Variants in CDH13 observed in about 807,000 individuals in gnomAD.
CDH13 encodes cadherin 13.
In CDH13, 24 loss-of-function variants were observed where a neutral mutation model predicts 63.8. That is an observed-to-expected ratio of 0.38 (90% CI 0.27 to 0.53). The LOEUF (loss-of-function observed/expected upper bound fraction) is 0.53, where lower values mean the gene tolerates loss of function less well. Among genes scored for constraint, CDH13 ranks in the 20% least tolerant of loss-of-function variants. CDH13 has a pLI of 0.85. For missense variants in CDH13, 1,049 were observed against 903.1 expected (o/e 1.16, Z -2.07); for synonymous variants, 503 against 355.3 (o/e 1.42, Z -4.67).
In CDH13 at chr16:83,250,643, C is replaced by T. The variant is rs116807488; in HGVS notation, c.636+33146C>T. 9.8e-3 allele frequency among the ~76,000 whole-genome samples: 1,490 copies of T among 152,086 alleles called. 19 individuals carry two copies. Among genetic ancestry groups the T allele is most frequent in the African/African-American group, 0.034 (1,413 of 41,484 alleles). Reference sequence around the variant, plus strand: ...AGTAATCAAGAAATAGAGAGTTGGTCGTGGTGGTAGAAGTGAAATAAGGGA... The same window carrying T: ...AGTAATCAAGAAATAGAGAGTTGGTTGTGGTGGTAGAAGTGAAATAAGGGA... On this transcript the variant is annotated intron_variant, in intron 5 of 13. Coordinates refer to ENST00000567109, the MANE Select transcript of CDH13 (RefSeq NM_001257.5).
chr16:83,178,855 A>G (rs769970880), intron 4 of CDH13, among the ~76,000 whole-genome samples: 5 of 152,104 alleles, frequency 3.3e-5, no homozygotes, highest in Non-Finnish European at 7.3e-5. Flanking sequence ...CTGGCCTTGA[A>G]TCCTCCCAGT....
chr16:82,937,781 G>A (rs1384569755), intron 2 of CDH13, among the ~76,000 whole-genome samples: 1 of 152,056 alleles, frequency 6.6e-6, no homozygotes, highest in Non-Finnish European at 1.5e-5. Flanking sequence ...TTATAGCAGA[G>A]CTTATATTCT....
chr16:82,784,986 C>T (rs113857581), intron 1 of CDH13, among the ~76,000 whole-genome samples: 6,665 of 152,222 alleles, frequency 0.044, 213 homozygotes, highest in Non-Finnish European at 0.069. Context: ...TTCCTGGACT[C>T]AGACAGTTAG....
chr16:83,448,096 T>C (rs2072766201), intron 6 of CDH13, among the ~76,000 whole-genome samples: 3 of 152,198 alleles, frequency 2.0e-5, no homozygotes, highest in South Asian at 4.1e-4. Flanking sequence ...CCCCATCTTT[T>C]ATTTTATTAT....
chr16:83,168,369 G>GTA (rs1485493103), intron 4 of CDH13, among the ~76,000 whole-genome samples: 4 of 151,718 alleles, frequency 2.6e-5, no homozygotes, highest in Non-Finnish European at 5.9e-5. Context: ...GTATGTATGT[G>GTA]TATATATATA....
chr16:82,712,200 A>G (rs1184891107), intron 1 of CDH13, among the ~76,000 whole-genome samples: 1 of 152,226 alleles, frequency 6.6e-6, no homozygotes, highest in Non-Finnish European at 1.5e-5. Flanking sequence ...CTTGATGAAG[A>G]TAGTAACCCT....
chr16:83,153,352 G>C (rs1181048976), intron 4 of CDH13, among the ~76,000 whole-genome samples: 1 of 152,102 alleles, frequency 6.6e-6, no homozygotes, highest in Non-Finnish European at 1.5e-5. Context: ...ATCAAATGCA[G>C]AGTCTGCACA....
chr16:83,600,265 G>A (rs900174848), intron 7 of CDH13, among the ~76,000 whole-genome samples: 1 of 152,146 alleles, frequency 6.6e-6, no homozygotes, highest in African/African-American at 2.4e-5. Flanking sequence ...TGTGACCTTC[G>A]ATCCTGGCGG....
intron 2 of CDH13, among the ~76,000 whole-genome samples, chr16:82,963,382 A>C (rs904776164): frequency 2.0e-5 from 3 of 152,176 alleles, no homozygotes; most frequent in African/African-American, 7.2e-5. Context: ...TCTGTCTCAA[A>C]GAAAAGAAAA....
At chr16:83,574,901 C>G (rs1021677079) in intron 7 of CDH13, among the ~76,000 whole-genome samples, 1 of 151,750 alleles carries the variant, frequency 6.6e-6, no homozygotes. Flanking sequence ...TGTGAAATAC[C>G]CAAGAGAAAT....
At chr16:82,982,669 T>G (rs1390541648) in intron 2 of CDH13, among the ~76,000 whole-genome samples, 1 of 152,122 alleles carries the variant, frequency 6.6e-6, no homozygotes, top group East Asian at 1.9e-4. Flanking sequence ...AAAACCACCA[T>G]TAGTTTTGCA....
chr16:82,642,902 C>T (rs1909594520), intron 1 of CDH13, among the ~76,000 whole-genome samples: 1 of 152,124 alleles, frequency 6.6e-6, no homozygotes. Flanking sequence ...CCTAATAAAG[C>T]TTTAGGACTC....
At chr16:83,279,849 T>TTG (rs771905220) in intron 5 of CDH13, among the ~76,000 whole-genome samples, 4 of 151,904 alleles carry the variant, frequency 2.6e-5, no homozygotes, top group Non-Finnish European at 5.9e-5. Flanking sequence ...ATGATTTTTT[T>TTG]TTTTGCTTTT....
At chr16:83,467,389 C>G (rs1231653033) in intron 6 of CDH13, among the ~76,000 whole-genome samples, 1 of 152,098 alleles carries the variant, frequency 6.6e-6, no homozygotes, top group Admixed American at 6.5e-5. Flanking sequence ...GAGCGGATGT[C>G]ACACATTCAT....
intron 7 of CDH13, among the ~76,000 whole-genome samples, chr16:83,519,202 G>T (rs567427519): frequency 9.2e-5 from 14 of 152,302 alleles, no homozygotes; most frequent in African/African-American, 3.4e-4. Context: ...GGTGGAAGGA[G>T]AAATACCAGG....
chr16:82,992,018 A>G (rs1052218294), intron 2 of CDH13, among the ~76,000 whole-genome samples: 1 of 152,224 alleles, frequency 6.6e-6, no homozygotes, highest in East Asian at 1.9e-4. Flanking sequence ...AGCAAATTAT[A>G]TAATAAAAGT....
intron 1 of CDH13, among the ~76,000 whole-genome samples, chr16:82,817,845 G>A (rs1193645272): frequency 6.6e-6 from 1 of 152,046 alleles, no homozygotes; most frequent in Non-Finnish European, 1.5e-5. Flanking sequence ...ATATATAAAA[G>A]CATGCACGCA....
chr16:83,728,073 T>G (rs150264731), intron 10 of CDH13, among the ~76,000 whole-genome samples: 19 of 152,186 alleles, frequency 1.2e-4, no homozygotes, highest in Non-Finnish European at 2.9e-5. Context: ...GAGTCTGTTA[T>G]GCGGCAACAC....
intron 7 of CDH13, among the ~76,000 whole-genome samples, chr16:83,587,230 C>T (rs1301663873): frequency 6.6e-6 from 1 of 152,198 alleles, no homozygotes; most frequent in Non-Finnish European, 1.5e-5. Context: ...ATGAATCAGG[C>T]TCAGCAAAGC....
Sources: gnomAD v4.1 joint callset for allele counts (sites outside exome capture counted in the v4.1 genomes callset) on GRCh38, gnomAD v4.1.1 for gene constraint, MANE v1.5 for transcripts, NCBI Gene and HGNC (gene_info 2026-07-23, HGNC 2026-07-21) for gene names.